The following PXDNL variants were observed in gnomAD, a reference collection of about 807,000 sequenced individuals.
PXDNL encodes the protein peroxidasin like, also known as probable oxidoreductase PXDNL.
A neutral mutation model predicts 150.8 loss-of-function variants in PXDNL; 145 were observed. The observed-to-expected ratio is 0.96, with a 90% CI of 0.84 to 1.10. The LOEUF is 1.10. Ranked by LOEUF, PXDNL falls within the 50% of genes least tolerant of loss-of-function variation. The pLI is 0.00. For missense variants in PXDNL, 2,087 were observed against 1,873.9 expected (o/e 1.11, Z -2.10); for synonymous variants, 757 against 725.7 (o/e 1.04, Z -0.69).
At chr8:51,638,077 C>T (rs1302578128) in intron 2 of PXDNL, among the ~76,000 whole-genome samples, 1 of 152,138 alleles carries the variant, frequency 6.6e-6, no homozygotes, top group East Asian at 1.9e-4. Context: ...ATTTTCAACC[C>T]AGAATTTCAT....
intron 2 of PXDNL, among the ~76,000 whole-genome samples, chr8:51,638,727 C>CTT (rs1195469883): frequency 1.3e-5 from 2 of 152,120 alleles, no homozygotes; most frequent in African/African-American, 4.8e-5. Flanking sequence ...TACAAAGAGA[C>CTT]TTAGACTCCC....
chr8:51,446,043 A>T (rs1296618883), intron 12 of PXDNL, among the ~76,000 whole-genome samples: 4 of 151,922 alleles, frequency 2.6e-5, no homozygotes, highest in Non-Finnish European at 5.9e-5. Flanking sequence ...CTTCTTTTTT[A>T]AAAAAAACAT....
chr8:51,509,407 T>C (rs907928964), intron 4 of PXDNL, among the ~76,000 whole-genome samples: 4 of 151,994 alleles, frequency 2.6e-5, no homozygotes, highest in Admixed American at 6.6e-5. Flanking sequence ...CTCACAATGA[T>C]ACAAATCAAA....
chr8:51,448,245 G>A (rs1436529883), intron 11 of PXDNL, among the ~76,000 whole-genome samples: 1 of 152,178 alleles, frequency 6.6e-6, no homozygotes, highest in Non-Finnish European at 1.5e-5. Flanking sequence ...CTGGCGCCTT[G>A]GTGGGGCATA....
At chr8:51,383,911 A>G (rs1366655454) in intron 17 of PXDNL, among the ~76,000 whole-genome samples, 3 of 152,174 alleles carry the variant, frequency 2.0e-5, no homozygotes, top group African/African-American at 7.2e-5. Context: ...ACAGAGACAC[A>G]AGGGCAGAGG....
At chr8:51,526,476 G>A (rs1445710396) in intron 4 of PXDNL, among the ~76,000 whole-genome samples, 1 of 152,120 alleles carries the variant, frequency 6.6e-6, no homozygotes, top group Non-Finnish European at 1.5e-5. Flanking sequence ...CAGCCATCTA[G>A]AAGCGATGTG....
At chr8:51,607,967 A>C (rs1813879008) in intron 2 of PXDNL, among the ~76,000 whole-genome samples, 1 of 142,376 alleles carries the variant, frequency 7.0e-6, no homozygotes, top group Admixed American at 7.0e-5. Flanking sequence ...AATAAAGAGA[A>C]AGAAAGGAAG....
intron 1 of PXDNL, among the ~76,000 whole-genome samples, chr8:51,664,697 A>G (rs1232517378): frequency 6.6e-6 from 1 of 152,130 alleles, no homozygotes; most frequent in African/African-American, 2.4e-5. Context: ...ACATCCTCCC[A>G]GCCTGGTTCT....
intron 1 of PXDNL, among the ~76,000 whole-genome samples, chr8:51,689,804 C>T (rs138104848): frequency 1.1e-4 from 16 of 152,280 alleles, no homozygotes; most frequent in Non-Finnish European, 1.9e-4. Flanking sequence ...AGAAGAATGA[C>T]GTTCCACTGA....
chr8:51,371,097 C>CA (rs1295397086), intron 19 of PXDNL, among the ~76,000 whole-genome samples: 1 of 152,246 alleles, frequency 6.6e-6, no homozygotes, highest in Non-Finnish European at 1.5e-5. Flanking sequence ...AAATATCCTC[C>CA]ATGTGACAGA....
intron 5 of PXDNL, among the ~76,000 whole-genome samples, chr8:51,497,186 AG>A (rs1811071760): frequency 6.6e-6 from 1 of 152,356 alleles, no homozygotes; most frequent in East Asian, 1.9e-4. Flanking sequence ...AAATAGGGAA[AG>A]GATTCCCTAT....
At chr8:51,435,407 G>T (rs1270330475) in intron 12 of PXDNL, among the ~76,000 whole-genome samples, 3 of 151,730 alleles carry the variant, frequency 2.0e-5, no homozygotes, top group Non-Finnish European at 4.4e-5. Context: ...CAACATATTT[G>T]GAAGAGAAAA....
intron 4 of PXDNL, among the ~76,000 whole-genome samples, chr8:51,546,106 C>T (rs1812356878): frequency 6.6e-6 from 1 of 152,056 alleles, no homozygotes; most frequent in Non-Finnish European, 1.5e-5. Context: ...TGAGGAAAAC[C>T]AAAAGAATTC....
At chr8:51,385,065 A>G (rs1166109535) in intron 17 of PXDNL, among the ~76,000 whole-genome samples, 1 of 152,204 alleles carries the variant, frequency 6.6e-6, no homozygotes, top group Admixed American at 6.5e-5. Flanking sequence ...TCCATATCCA[A>G]TAAAAATTCA....
chr8:51,731,846 C>T (rs906548844), intron 1 of PXDNL, among the ~76,000 whole-genome samples: 1 of 152,212 alleles, frequency 6.6e-6, no homozygotes, highest in African/African-American at 2.4e-5. Context: ...GGCTGGGACA[C>T]AGGGCATCAA....
At chr8:51,619,780 A>G (rs1336487607) in intron 2 of PXDNL, among the ~76,000 whole-genome samples, 1 of 152,004 alleles carries the variant, frequency 6.6e-6, no homozygotes, top group African/African-American at 2.4e-5. Flanking sequence ...GACCAGTCTC[A>G]GGTATTTCTT....
At chr8:51,791,021 G>A (rs942951583) in intron 1 of PXDNL, among the ~76,000 whole-genome samples, 1 of 151,888 alleles carries the variant, frequency 6.6e-6, no homozygotes, top group African/African-American at 2.4e-5. Context: ...GCTAACATTC[G>A]AATAGTTCCT....
intron 7 of PXDNL, 32 bp downstream of exon 7, chr8:51,474,940 T>A: frequency 6.6e-7 from 1 of 1,523,370 alleles, no homozygotes. Flanking sequence ...GAGAGACAGT[T>A]CTATCTTATG....
chr8:51,559,547 A>G (rs1051494004), intron 3 of PXDNL, among the ~76,000 whole-genome samples: 1 of 152,024 alleles, frequency 6.6e-6, no homozygotes, highest in Non-Finnish European at 1.5e-5. Flanking sequence ...AGAGAAAGAG[A>G]GCATTAGCAA....
Sources: allele counts gnomAD v4.1 joint callset (sites outside exome capture counted in the v4.1 genomes callset), GRCh38; gene constraint gnomAD v4.1.1; transcripts MANE v1.5; gene names NCBI Gene and HGNC (gene_info 2026-07-23, HGNC 2026-07-21).